Variants in TTLL10 observed in about 807,000 individuals in gnomAD.
The protein encoded by TTLL10 is inactive polyglycylase TTLL10.
In TTLL10, 61 loss-of-function variants were observed where a neutral mutation model predicts 69.0. The ratio of observed to expected loss-of-function variants is 0.88; its 90% confidence interval spans 0.72 to 1.09. The LOEUF is 1.09. TTLL10 is among the 50% of genes least tolerant of loss of function. The pLI, the probability that TTLL10 is intolerant of heterozygous loss-of-function variation, is 0.00. For missense variants in TTLL10, 962 were observed against 945.9 expected, an observed-to-expected ratio of 1.02 and a Z score of -0.22; for synonymous variants, 408 against 393.3, an observed-to-expected ratio of 1.04 and a Z score of -0.44.
At position 1,197,724 on chromosome 1, in the gene TTLL10, C is replaced by T. The variant is rs1423243129; in HGVS notation, c.1899C>T (p.His633=). Residue 633 remains histidine, a synonymous_variant, in exon 16 of 16, where the codon CAC becomes CAT. Coordinates refer to ENST00000379289, the MANE Select transcript of TTLL10 (RefSeq NM_001130045.2). ...RPPGPDLDSA[H]DGEPQAPGTE... ...CCGGCCCCGACCTGGACAGCGCCCA[C>T]GATGGGGAGCCCCAGGCCCCGGGCA... The T allele has an allele frequency of 1.4e-5, 22 of 1,531,484 alleles. No homozygotes were observed. The highest frequency in any genetic ancestry group is 5.9e-5 in the Admixed American group (3 of 50,440). The allele number at this position is 1,531,484 out of a possible 1,614,324, so 94.9% of individuals were successfully genotyped here. A position where few individuals can be genotyped will look rare whatever the true frequency, so the allele number is the denominator to read the frequency against.
chr1:1,180,363 C>T (rs961177692), intron 6 of TTLL10, 23 bp downstream of exon 6: 14 of 1,545,290 alleles, frequency 9.1e-6, no homozygotes, highest in African/African-American at 6.8e-5. Context: ...CCTGGGCGCC[C>T]GTGGTCCCAC....
At chr1:1,187,018 T>C (rs1293715366) in intron 13 of TTLL10, among the ~76,000 whole-genome samples, 2 of 150,750 alleles carry the variant, frequency 1.3e-5, no homozygotes, top group African/African-American at 4.9e-5. Context: ...GGCTAATTCT[T>C]TGTATTTTTA....
chr1:1,183,192 C>A, intron 11 of TTLL10, 145 bp downstream of exon 11: 1 of 1,046,910 alleles, frequency 9.6e-7, no homozygotes, highest in Admixed American at 2.9e-5. Context: ...GCCGGGCCCC[C>A]GTGTAGCCAG....
intron 1 of TTLL10, 84 bp from the exon 2 acceptor site, chr1:1,174,201 G>T (rs1471968478): frequency 6.6e-6 from 1 of 152,532 alleles, no homozygotes; most frequent in Non-Finnish European, 1.5e-5. Flanking sequence ...GACGAGCTCC[G>T]TGGCCTGGGA....
In TTLL10 at chr1:1,180,179, G is replaced by T; in HGVS notation, c.345G>T (p.Gly115=). 6.2e-7 allele frequency: 1 copy of T among 1,611,274 alleles called. No individual in the cohort carries two copies. Among genetic ancestry groups the T allele is most frequent in the African/African-American group, 1.3e-5 (1 of 75,016 alleles). Residue 115 remains glycine (G), a synonymous_variant, in exon 6 of 16, where the codon GGG becomes GGT. Coordinates refer to ENST00000379289, the MANE Select transcript of TTLL10 (RefSeq NM_001130045.2). The part of the protein sequence containing the change: ...ERASATPGPP[G]LLNSHRPADS... ...CCTCTGCCACACCCGGACCCCCTGG[G>T]CTCCTGAACAGCCACCGGCCTGCAG...
chr1:1,178,930 A>G (rs1340045087), intron 3 of TTLL10, among the ~76,000 whole-genome samples: 1 of 152,180 alleles, frequency 6.6e-6, no homozygotes, highest in Non-Finnish European at 1.5e-5. Context: ...GAGCTCAGCC[A>G]CACCTGAAGA....
intron 11 of TTLL10, 97 bp downstream of exon 11, chr1:1,183,144 G>C: frequency 8.5e-6 from 12 of 1,414,788 alleles, no homozygotes; most frequent in Non-Finnish European, 1.1e-5. Context: ...CCTTGGTCGT[G>C]GAAAGCAGCC....
intron 13 of TTLL10, among the ~76,000 whole-genome samples, chr1:1,194,427 C>T (rs925120329): frequency 1.3e-5 from 2 of 152,200 alleles, no homozygotes; most frequent in Admixed American, 6.5e-5. Context: ...TATTTAATTA[C>T]ACAATGACCT....
At position 1,192,688 on chromosome 1, in the gene TTLL10, C is replaced by A. The variant is rs1458037019; in HGVS notation, c.1402-3912C>A. Among the ~76,000 whole-genome samples, 3 of 152,136 alleles carry A rather than the reference C, an allele frequency of 2.0e-5. No individual in the cohort carries two copies. In the South Asian group the frequency reaches 6.3e-4, roughly 32 times the overall value. On this transcript the variant is annotated intron_variant, in intron 13 of 15. Transcript: ENST00000379289. ...ACTCCAGTTCGTATCAGTGTAAACA[C>A]TCCAGTTGGTATGAGTGTAGACACT... is the stretch of plus-strand genomic sequence containing the variant.
At chr1:1,182,126 C>T (rs376056974) in intron 9 of TTLL10, among the ~76,000 whole-genome samples, 2 of 152,152 alleles carry the variant, frequency 1.3e-5, no homozygotes, top group Admixed American at 6.5e-5. Context: ...AAGCAGCCAG[C>T]GGGAGGGGCC....
chr1:1,195,932 C>T (rs12067297), intron 13 of TTLL10, among the ~76,000 whole-genome samples: 5,829 of 134,520 alleles, frequency 0.043, no homozygotes, highest in East Asian at 0.06. Context: ...GTGAGCCACG[C>T]GCCCGACCAA....
At chr1:1,188,121 G>T (rs1463057134) in intron 13 of TTLL10, among the ~76,000 whole-genome samples, 1 of 150,356 alleles carries the variant, frequency 6.7e-6, no homozygotes, top group Admixed American at 6.6e-5. Context: ...TTCCCCCATG[G>T]AATGGTCCTG....
intron 13 of TTLL10, among the ~76,000 whole-genome samples, chr1:1,191,259 G>A (rs1647757756): frequency 6.6e-6 from 1 of 152,056 alleles, no homozygotes; most frequent in South Asian, 2.1e-4. Flanking sequence ...CATTGTGTCA[G>A]AGAACATACT....
chr1:1,196,786 C>A, intron 14 of TTLL10, 70 bp downstream of exon 14: 1 of 1,136,444 alleles, frequency 8.8e-7, no homozygotes, highest in South Asian at 1.3e-5. Flanking sequence ...TACACCCTGA[C>A]CACACTGGCA....
At position 1,185,488 on chromosome 1, in the gene TTLL10, C is replaced by A. The variant is rs1161643696; in HGVS notation, c.1401+379C>A. On this transcript the variant is annotated intron_variant, in intron 13 of 15. Transcript: ENST00000379289. This position sits in a 1 kb window ranked among gnomAD's most constrained non-coding sequence, Gnocchi z 6.1. ...AGCCCCCGGGCCAGGTGTCCTGGAG[C>A]AGCAGCAGCTGCCCGTGCAGGCCCG... 5 of 1,074,268 alleles carry A rather than the reference C, an allele frequency of 4.7e-6. No homozygotes were observed. The highest frequency in any genetic ancestry group is 5.6e-6 in the Non-Finnish European group (5 of 887,034). 66.5% of individuals were successfully genotyped at this position (1,074,268 alleles called of 1,614,324 possible). A position where few individuals can be genotyped will look rare whatever the true frequency, so the allele number is the denominator to read the frequency against.
Position 1,179,265 on chromosome 1 carries a change from G to C in TTLL10, c.50G>C (p.Arg17Pro). The C allele has an allele frequency of 1.9e-6, 3 of 1,550,794 alleles. No homozygotes were observed. The highest frequency in any genetic ancestry group is 2.6e-6 in the Non-Finnish European group (3 of 1,146,696). Residue 17 changes from arginine to proline, a missense_variant, in exon 4 of 16, where the codon CGG (arginine) becomes CCG (proline). Coordinates refer to ENST00000379289, the MANE Select transcript of TTLL10 (RefSeq NM_001130045.2). Reference sequence around the variant, plus strand: ...ATCCACCGCCGGGGACCACCCACTCGGACCCGAGCCGGCTTCAAGAGGGGC... The same window carrying C: ...ATCCACCGCCGGGGACCACCCACTCCGACCCGAGCCGGCTTCAAGAGGGGC... ...RFIHRRGPPT[R>P]TRAGFKRGKR...
At position 1,185,560 on chromosome 1, in the gene TTLL10, G is replaced by T. The variant is rs1329382238; in HGVS notation, c.1401+451G>T. The T allele has an allele frequency of 3.0e-6, 3 of 994,976 alleles. No individual in the cohort carries two copies. The highest frequency in any genetic ancestry group is 3.6e-6 in the Non-Finnish European group (3 of 836,836). 61.6% of individuals were successfully genotyped at this position (994,976 alleles called of 1,614,324 possible). A position where few individuals can be genotyped will look rare whatever the true frequency, so the allele number is the denominator to read the frequency against. ...ATGTGCGGTGGAGTGTCCTAATTTT[G>T]CAGGGTTCCTTTCTGTGGGGGTACC... On this transcript the variant is annotated intron_variant, in intron 13 of 15. Coordinates refer to ENST00000379289, the MANE Select transcript of TTLL10 (RefSeq NM_001130045.2). This position sits in a 1 kb window ranked among gnomAD's most constrained non-coding sequence, Gnocchi z 6.1.
chr1:1,185,227 G>C lies in TTLL10; in HGVS notation c.1401+118G>C. ...CGTGCGTGGGCGGCTGCGCTGAAGT[G>C]TGACCTGACCGTGTGGAACCAAACC... On this transcript the variant is annotated intron_variant, in intron 13 of 15. Coordinates refer to ENST00000379289, the MANE Select transcript of TTLL10 (RefSeq NM_001130045.2). The surrounding 1 kb of genome is among the most constrained non-coding windows in gnomAD (Gnocchi z 6.1). 1 of 1,507,140 alleles carries C rather than the reference G, an allele frequency of 6.6e-7. No homozygotes were observed. Among genetic ancestry groups the C allele is most frequent in the South Asian group, 1.3e-5 (1 of 74,802 alleles). 93.4% of individuals were successfully genotyped at this position (1,507,140 alleles called of 1,614,324 possible).
intron 13 of TTLL10, among the ~76,000 whole-genome samples, chr1:1,191,063 C>T (rs1337867102): frequency 6.6e-6 from 1 of 152,180 alleles, no homozygotes; most frequent in Admixed American, 6.5e-5. Context: ...CTCCTGACCT[C>T]AGGTGATCCG....
Sources: gnomAD v4.1 joint callset for allele counts (sites outside exome capture counted in the v4.1 genomes callset) on GRCh38, gnomAD v4.1.1 for gene constraint, Gnocchi (gnomAD v3.1) non-coding constraint, MANE v1.5 for transcripts, NCBI Gene and HGNC (gene_info 2026-07-23, HGNC 2026-07-21) for gene names.